Variants in GPC1 observed in about 807,000 individuals in gnomAD.
The protein encoded by GPC1 is glypican 1.
A neutral mutation model predicts 51.5 loss-of-function variants in GPC1; 26 were observed. The observed-to-expected ratio is 0.50, with a 90% confidence interval of 0.37 to 0.70. The LOEUF is 0.70. Among genes scored for constraint, GPC1 ranks in the 30% least tolerant of loss-of-function variants. The pLI is 0.00. For missense variants in GPC1, 775 were observed against 800.5 expected, an observed-to-expected ratio of 0.97 and a Z score of 0.38; for synonymous variants, 380 against 348.3, an observed-to-expected ratio of 1.09 and a Z score of -1.01.
chr2:240,463,530 A>G lies in GPC1; in HGVS notation c.883+18A>G. On this transcript the variant is annotated intron_variant, in intron 4 of 8. Coordinates refer to ENST00000264039, the MANE Select transcript of GPC1 (RefSeq NM_002081.3). ...CCTCCTGGGTGAGCCCCCACCCGCG[A>G]GAGCGGCCTGGAACTGTCTTGGGGA... The G allele has an allele frequency of 6.2e-7, 1 of 1,611,046 alleles. No homozygotes were observed. The highest frequency in any genetic ancestry group is 8.5e-7 in the Non-Finnish European group (1 of 1,178,712).
chr2:240,458,840 G>A (rs538236655), intron 1 of GPC1, 190 bp from the exon 2 acceptor site: 100 of 578,324 alleles, frequency 1.7e-4, no homozygotes, highest in African/African-American at 1.5e-3. Context: ...CTACGGGACC[G>A]AAGCCAGGCC....
At chr2:240,450,642 C>T (rs781148714) in intron 1 of GPC1, 14 of 470,596 alleles carry the variant, frequency 3.0e-5, no homozygotes, top group African/African-American at 1.2e-4. Flanking sequence ...GGGCGTGCCC[C>T]GTCGAGCCCC....
chr2:240,451,273 GCGT>G, intron 1 of GPC1: 1 of 470,956 alleles, frequency 2.1e-6, no homozygotes, highest in Non-Finnish European at 4.4e-6. Context: ...GGCCTGCGCG[GCGT>G]CTTTGTGGAC....
intron 1 of GPC1, chr2:240,451,291 A>ATG (rs1268919634): frequency 4.3e-6 from 2 of 470,398 alleles, no homozygotes; most frequent in African/African-American, 4.0e-5. Flanking sequence ...GTGGACTGGA[A>ATG]TGTGGCTGCT....
At chr2:240,456,736 AG>A (rs980507449) in intron 1 of GPC1, 14 of 420,646 alleles carry the variant, frequency 3.3e-5, no homozygotes, top group Non-Finnish European at 7.1e-5. Flanking sequence ...AAGGACCCGG[AG>A]GGGCGGTTCC....
intron 1 of GPC1, among the ~76,000 whole-genome samples, chr2:240,439,828 G>C (rs1262438580): frequency 6.6e-6 from 1 of 152,204 alleles, no homozygotes; most frequent in African/African-American, 2.4e-5. Context: ...CTCAGCCTTT[G>C]CTGTGTCGCT....
intron 1 of GPC1, among the ~76,000 whole-genome samples, chr2:240,445,637 G>C (rs1169001421): frequency 1.3e-5 from 2 of 152,160 alleles, no homozygotes; most frequent in African/African-American, 2.4e-5. Flanking sequence ...GCACGGATGA[G>C]GTTCTGGATG....
At chr2:240,455,240 TC>T (rs1171416912) in intron 1 of GPC1, among the ~76,000 whole-genome samples, 14 of 151,630 alleles carry the variant, frequency 9.2e-5, no homozygotes, top group Admixed American at 3.3e-4. Context: ...ATAATCCCCT[TC>T]CCCCCCAAAA....
intron 1 of GPC1, among the ~76,000 whole-genome samples, chr2:240,457,188 T>A (rs979419106): frequency 1.3e-5 from 2 of 152,064 alleles, no homozygotes; most frequent in African/African-American, 4.8e-5. Flanking sequence ...CCTGCATCAG[T>A]ACATTCCAGA....
chr2:240,452,861 C>T (rs2074113441), intron 1 of GPC1: 3 of 215,774 alleles, frequency 1.4e-5, no homozygotes, highest in Non-Finnish European at 2.8e-5. Context: ...CCAGAGTCTC[C>T]CGCGCGCCCG....
intron 1 of GPC1, among the ~76,000 whole-genome samples, chr2:240,456,942 G>A (rs1027910576): frequency 2.0e-5 from 3 of 152,284 alleles, no homozygotes; most frequent in African/African-American, 4.8e-5. Context: ...CTCAGAGCCG[G>A]GCTCTGTCCT....
intron 1 of GPC1, among the ~76,000 whole-genome samples, chr2:240,438,977 A>G (rs76743628): frequency 0.049 from 7,486 of 152,276 alleles, 288 homozygotes; most frequent in Non-Finnish European, 0.074. Context: ...CTGCGCTGCC[A>G]GGAGCCCTCA....
chr2:240,465,958 G>A (rs1013864744), intron 8 of GPC1, 100 bp from the exon 9 acceptor site: 36 of 694,828 alleles, frequency 5.2e-5, no homozygotes, highest in South Asian at 5.0e-4. Context: ...ATTCCACACC[G>A]AAAGGATGTT....
chr2:240,466,062 C>T lies in GPC1; in HGVS notation c.1449C>T (p.Asp483=), dbSNP rs1126920. Residue 483 remains aspartate (D), a synonymous_variant, in exon 9 of 9, where the codon GAC becomes GAT. Coordinates refer to ENST00000264039, the MANE Select transcript of GPC1 (RefSeq NM_002081.3). The part of the protein sequence containing the change: ...GNDVDFQDAS[D]DGSGSGSGDG... ...GGAGCCTCCTCTCCTTCCCAGGTGA[C>T]GACGGCAGCGGCTCGGGCAGCGGTG... 0.1 allele frequency: 162,992 copies of T among 1,605,386 alleles called. 8,916 individuals carry two copies. Among genetic ancestry groups the T allele is most frequent in the African/African-American group, 0.11 (8,585 of 74,810 alleles).
At chr2:240,440,035 C>T (rs2074008150) in intron 1 of GPC1, among the ~76,000 whole-genome samples, 1 of 152,246 alleles carries the variant, frequency 6.6e-6, no homozygotes, top group Admixed American at 6.5e-5. Context: ...CCCCGGTGTC[C>T]CCGGGCCTTT....
rs1368311467 is a variant in GPC1, at chr2:240,467,473, C to G, written c.*1183C>G. On this transcript the variant is annotated 3_prime_UTR_variant, in exon 9 of 9. Transcript: ENST00000264039. Reference sequence around the variant, plus strand: ...ACCTTGGACCCTGGTGACCTCCTGTCACTCACTGAGGCCATCAGGGCCCTG... The same window carrying G: ...ACCTTGGACCCTGGTGACCTCCTGTGACTCACTGAGGCCATCAGGGCCCTG... 1.3e-5 allele frequency: 2 copies of G among 152,360 alleles called. No homozygotes were observed. The highest frequency in any genetic ancestry group is 3.9e-4 in the East Asian group (2 of 5,172). 9.4% of individuals were successfully genotyped at this position (152,360 alleles called of 1,614,324 possible). A position where few individuals can be genotyped will look rare whatever the true frequency, so the allele number is the denominator to read the frequency against.
chr2:240,464,805 TG>T (rs2074246787), intron 5 of GPC1, 50 bp from the exon 6 acceptor site: 3 of 1,569,748 alleles, frequency 1.9e-6, no homozygotes, highest in Non-Finnish European at 2.6e-6. Flanking sequence ...GTGGCCCCAT[TG>T]GGCTTGAGGG....
chr2:240,465,982 A>ATGT (rs137989140), intron 8 of GPC1, 76 bp from the exon 9 acceptor site: 6 of 569,594 alleles, frequency 1.1e-5, no homozygotes, highest in African/African-American at 9.9e-5. Context: ...GTCACCTGGC[A>ATGT]CGGGCCCTTA....
At position 240,459,127 on chromosome 2, in the gene GPC1, G is replaced by A. The variant is rs577462540; in HGVS notation, c.264G>A (p.Ala88=). The change falls in exon 2 of 9, where the codon GCG becomes GCA. Residue 88 remains alanine, a synonymous_variant. Transcript: ENST00000264039. The part of the protein sequence containing the change: ...ANRSHAELET[A]LRDSSRVLQA... ...GCAGCCATGCCGAGCTGGAGACCGC[G>A]CTCCGGGACAGCAGCCGCGTCCTGC... 51 of 1,612,698 alleles carry A rather than the reference G, an allele frequency of 3.2e-5. No individual in the cohort carries two copies. The highest frequency in any genetic ancestry group is 2.3e-4 in the South Asian group (21 of 91,068).
Sources: allele counts gnomAD v4.1 joint callset (sites outside exome capture counted in the v4.1 genomes callset), GRCh38; gene constraint gnomAD v4.1.1; transcripts MANE v1.5; gene names NCBI Gene and HGNC (gene_info 2026-07-23, HGNC 2026-07-21).